Variants in MTIF2 observed in about 807,000 individuals in gnomAD.
MTIF2 encodes translation initiation factor IF-2, mitochondrial.
In MTIF2, 71 loss-of-function variants were observed where a neutral mutation model predicts 83.5. That is an observed-to-expected ratio of 0.85 (90% confidence interval 0.70 to 1.04). MTIF2 has a LOEUF of 1.04. Among genes scored for constraint, MTIF2 ranks in the 50% least tolerant of loss-of-function variants. The pLI, the probability that MTIF2 is intolerant of heterozygous loss-of-function variation, is 0.00. For missense variants in MTIF2, 957 were observed against 846.5 expected (o/e 1.13, Z -1.62); for synonymous variants, 319 against 287.1 (o/e 1.11, Z -1.12).
intron 2 of MTIF2, 80 bp downstream of exon 2, chr2:55,268,498 T>C (rs1322074632): frequency 6.6e-6 from 1 of 151,436 alleles, no homozygotes; most frequent in Non-Finnish European, 1.5e-5. Context: ...AGCACAGATA[T>C]GTAATTGAGG....
At chr2:55,251,128 A>G (rs1011764378) in intron 8 of MTIF2, among the ~76,000 whole-genome samples, 43 of 151,638 alleles carry the variant, frequency 2.8e-4, no homozygotes, top group Admixed American at 7.2e-4. Flanking sequence ...AAAAAAAAAA[A>G]AAAAGAAAAG....
chr2:55,262,213 G>A, intron 5 of MTIF2, 103 bp downstream of exon 5: 1 of 783,514 alleles, frequency 1.3e-6, no homozygotes, highest in Non-Finnish European at 2.2e-6. Context: ...TTTTTTAAGT[G>A]CCAGTCTAGT....
At chr2:55,247,599 A>T (rs2589080) in intron 9 of MTIF2, among the ~76,000 whole-genome samples, 105,957 of 152,070 alleles carry the variant, frequency 0.7, 38,312 homozygotes, top group Non-Finnish European at 0.79. Context: ...AAAACAAAAC[A>T]AAACAAAAAA....
intron 5 of MTIF2, among the ~76,000 whole-genome samples, chr2:55,258,767 G>A (rs746236188): frequency 4.4e-4 from 64 of 144,186 alleles, no homozygotes; most frequent in Non-Finnish European, 1.5e-4. Flanking sequence ...AGCTGAGATC[G>A]TATCACTGCA....
chr2:55,254,010 A>T, intron 7 of MTIF2, 31 bp downstream of exon 7: 2 of 1,609,148 alleles, frequency 1.2e-6, no homozygotes, highest in Non-Finnish European at 1.7e-6. Context: ...TGGGGTTCCC[A>T]AGCACATTGT....
Position 55,254,132 on chromosome 2 carries a change from G to C in MTIF2, c.573C>G (p.His191Gln), listed in dbSNP as rs745980045. Residue 191 changes from histidine to glutamine, a missense_variant, in exon 7 of 16, where the codon CAC becomes CAG. Around this residue, in one of 3 missense-constraint regions of MTIF2, gnomAD observed 733 missense variants for 648.7 expected, o/e 1.13. Transcript: ENST00000263629. ...PVVTIMGHVDHGKTTLLDKFR... is the reference protein window; with the variant it reads ...PVVTIMGHVDQGKTTLLDKFR... Reference sequence around the variant, plus strand: ...ATTTGTCAAGTAATGTCGTTTTCCCGTGATCAACATGGCCCATTATAGTAA... The same window carrying C: ...ATTTGTCAAGTAATGTCGTTTTCCCCTGATCAACATGGCCCATTATAGTAA... 2.5e-6 allele frequency: 4 copies of C among 1,614,104 alleles called. No individual in the cohort carries two copies. Among genetic ancestry groups the C allele is most frequent in the Non-Finnish European group, 3.4e-6 (4 of 1,179,990 alleles).
intron 14 of MTIF2, 30 bp from the exon 15 acceptor site, chr2:55,237,458 G>A: frequency 3.2e-6 from 5 of 1,554,088 alleles, no homozygotes; most frequent in Non-Finnish European, 4.3e-6. Context: ...TTAATGTGCA[G>A]AAAACTAAAG....
At chr2:55,261,883 G>A (rs1678022425) in intron 5 of MTIF2, among the ~76,000 whole-genome samples, 1 of 141,210 alleles carries the variant, frequency 7.1e-6, no homozygotes, top group Admixed American at 7.5e-5. Context: ...AGGCTGCAGT[G>A]AGCCATGATC....
chr2:55,237,829 TTAG>T (rs111935359), intron 14 of MTIF2, among the ~76,000 whole-genome samples: 3,743 of 151,868 alleles, frequency 0.025, 151 homozygotes, highest in African/African-American at 0.086. Flanking sequence ...TTTTATATTG[TTAG>T]TAGAGACGGG....
At chr2:55,268,786 C>T (rs1381700800) in intron 1 of MTIF2, 47 bp from the exon 2 acceptor site, 1 of 152,158 alleles carries the variant, frequency 6.6e-6, no homozygotes, top group Non-Finnish European at 1.5e-5. Flanking sequence ...GGGAAAACGT[C>T]TGAATGTGAG....
At chr2:55,249,624 T>G (rs1210645809) in intron 8 of MTIF2, 90 bp from the exon 9 acceptor site, 11 of 1,483,804 alleles carry the variant, frequency 7.4e-6, no homozygotes, top group Non-Finnish European at 9.1e-6. Context: ...CTGTTCTGGT[T>G]TTCTCTTTAT....
intron 13 of MTIF2, among the ~76,000 whole-genome samples, chr2:55,241,206 T>C (rs1376734772): frequency 1.3e-5 from 2 of 150,174 alleles, no homozygotes; most frequent in Non-Finnish European, 3.0e-5. Flanking sequence ...TCACCTGAGG[T>C]TGGGAGTTCA....
At chr2:55,250,118 T>A (rs574978488) in intron 8 of MTIF2, among the ~76,000 whole-genome samples, 33 of 151,906 alleles carry the variant, frequency 2.2e-4, no homozygotes, top group African/African-American at 7.7e-4. Flanking sequence ...AACAATACAA[T>A]CATCCCTGGG....
At chr2:55,257,445 C>G (rs1293686068) in intron 5 of MTIF2, among the ~76,000 whole-genome samples, 1 of 152,150 alleles carries the variant, frequency 6.6e-6, no homozygotes, top group Admixed American at 6.5e-5. Flanking sequence ...TGCGCCACTG[C>G]ACTCCAGCCT....
At position 55,237,421 on chromosome 2, in the gene MTIF2, T is replaced by C; in HGVS notation, c.1878A>G (p.Ala626=). The change falls in exon 15 of 16, where the codon GCA becomes GCG. Residue 626 remains alanine, a synonymous_variant. Coordinates refer to ENST00000263629, the MANE Select transcript of MTIF2 (RefSeq NM_002453.3). The part of the protein sequence containing the change: ...CAVEEHPVGE[A]SILATFSVTE... ...TTACAGAGAAGGTAGCTAGTATAGA[T>C]GCCTCACCTTTAGGAAGAAGAGAAC... is the stretch of plus-strand genomic sequence containing the variant. 6.2e-7 allele frequency: 1 copy of C among 1,606,482 alleles called. No individual in the cohort carries two copies. The highest frequency in any genetic ancestry group is 8.5e-7 in the Non-Finnish European group (1 of 1,178,012).
chr2:55,259,878 G>C (rs1558577656), intron 5 of MTIF2, among the ~76,000 whole-genome samples: 1 of 151,948 alleles, frequency 6.6e-6, no homozygotes, highest in Non-Finnish European at 1.5e-5. Context: ...GGGGAGGCAG[G>C]AGTTGCAGTA....
intron 2 of MTIF2, among the ~76,000 whole-genome samples, chr2:55,268,255 A>C (rs986441383): frequency 1.3e-5 from 2 of 151,560 alleles, no homozygotes; most frequent in Non-Finnish European, 2.9e-5. Flanking sequence ...TGTCTAAAGA[A>C]AAAAAAAAGA....
At chr2:55,267,299 G>A (rs989342023) in intron 3 of MTIF2, among the ~76,000 whole-genome samples, 3 of 151,944 alleles carry the variant, frequency 2.0e-5, no homozygotes, top group African/African-American at 7.3e-5. Flanking sequence ...TGGGATTACA[G>A]GTGCCTGCCA....
chr2:55,247,065 C>G (rs1245760558), intron 9 of MTIF2, among the ~76,000 whole-genome samples: 1 of 152,128 alleles, frequency 6.6e-6, no homozygotes, highest in Non-Finnish European at 1.5e-5. Flanking sequence ...TTCCCTGGAT[C>G]TCCTTACCTC....
Sources: allele counts gnomAD v4.1 joint callset (sites outside exome capture counted in the v4.1 genomes callset), GRCh38; gene constraint gnomAD v4.1.1; regional missense constraint gnomAD v4.1.1; transcripts MANE v1.5; gene names NCBI Gene and HGNC (gene_info 2026-07-23, HGNC 2026-07-21).